GFRAL: variants seen among roughly 807,000 people sequenced by gnomAD.
The protein encoded by GFRAL is GDNF family receptor alpha like.
In GFRAL, 36 loss-of-function variants were observed where a neutral mutation model predicts 45.4. That is an observed-to-expected ratio of 0.79 (90% confidence interval 0.61 to 1.05). The LOEUF (loss-of-function observed/expected upper bound fraction) is 1.05. Ranked by LOEUF, GFRAL falls within the 50% of genes least tolerant of loss-of-function variation. The pLI, the probability that GFRAL is intolerant of heterozygous loss-of-function variation, is 0.00. For missense variants in GFRAL, 507 were observed against 467.5 expected, an observed-to-expected ratio of 1.08 and a Z score of -0.78; for synonymous variants, 166 against 154.1, an observed-to-expected ratio of 1.08 and a Z score of -0.57.
chr6:55,399,115 G>C, intron 6 of GFRAL, 65 bp from the exon 7 acceptor site: 1 of 794,392 alleles, frequency 1.3e-6, no homozygotes, highest in Non-Finnish European at 1.9e-6. Context: ...AAAGCAAATT[G>C]TAATCCATAA....
In GFRAL at chr6:55,350,105, G is replaced by A. The variant is rs1562052554; in HGVS notation, c.330G>A (p.Glu110=). Residue 110 remains glutamate, a synonymous_variant, in exon 4 of 9, where the codon GAG becomes GAA. Transcript: ENST00000340465. ...TTTTCCTTCTAGATAACGTGAAAGAGGATAAATTCAAATGGAATCTAACTA... is the reference window on the plus strand; with the variant it reads ...TTTTCCTTCTAGATAACGTGAAAGAAGATAAATTCAAATGGAATCTAACTA... ...KCINKSDNVK[E]DKFKWNLTTR... 1.3e-6 allele frequency: 2 copies of A among 1,536,020 alleles called. No individual in the cohort carries two copies. Among genetic ancestry groups the A allele is most frequent in the Non-Finnish European group, 1.8e-6 (2 of 1,110,938 alleles).
Position 55,351,305 on chromosome 6 carries a change from T to A in GFRAL, c.423T>A (p.Asp141Glu). 6.2e-7 allele frequency: 1 copy of A among 1,612,436 alleles called. No individual in the cohort carries two copies. Among genetic ancestry groups the A allele is most frequent in the Non-Finnish European group, 8.5e-7 (1 of 1,178,946 alleles). Reference sequence around the variant, plus strand: ...AAGTGGCAGAGGCATGTGTAGGGGATGTGGTCTGTAATGCACAGTTGGCCT... The same window carrying A: ...AAGTGGCAGAGGCATGTGTAGGGGAAGTGGTCTGTAATGCACAGTTGGCCT... The part of the protein sequence containing the change: ...CLEVAEACVG[D>E]VVCNAQLASY... Residue 141 changes from aspartate (D) to glutamate (E), a missense_variant, in exon 5 of 9, where the codon GAT becomes GAA. Transcript: ENST00000340465.
At chr6:55,368,336 C>T (rs1179555818) in intron 6 of GFRAL, among the ~76,000 whole-genome samples, 21 of 148,868 alleles carry the variant, frequency 1.4e-4, no homozygotes, top group African/African-American at 4.9e-4. Flanking sequence ...TCTAGTTATA[C>T]ATTCTTCTAA....
chr6:55,350,450 G>A (rs572988242), intron 4 of GFRAL, among the ~76,000 whole-genome samples: 1 of 152,162 alleles, frequency 6.6e-6, no homozygotes, highest in African/African-American at 2.4e-5. Flanking sequence ...TGAGGTAGGT[G>A]GATCATTTGA....
chr6:55,341,832 G>A (rs900226213), intron 3 of GFRAL, among the ~76,000 whole-genome samples: 1 of 152,178 alleles, frequency 6.6e-6, no homozygotes, highest in African/African-American at 2.4e-5. Flanking sequence ...CCTTAAATGA[G>A]CTGATGGAGC....
rs745962351 is a variant in GFRAL at position 55,327,563 on chromosome 6, G to A, written c.9G>A (p.Val3=). MI[V]FIFLAMGLSL... is the part of the protein sequence containing the mutation. ...GCCGTGAGTTGTCCAGCATGATAGT[G>A]TTTATTTTCTTGGGTAAGTGAATGG... Residue 3 remains valine, a synonymous_variant, in exon 1 of 9, where the codon GTG becomes GTA. Transcript: ENST00000340465. 2.5e-6 allele frequency: 4 copies of A among 1,612,758 alleles called. No individual in the cohort carries two copies. Among genetic ancestry groups the A allele is most frequent in the East Asian group, 4.5e-5 (2 of 44,806 alleles).
intron 6 of GFRAL, among the ~76,000 whole-genome samples, chr6:55,397,497 C>T (rs1581762935): frequency 8.6e-6 from 1 of 116,296 alleles, no homozygotes; most frequent in South Asian, 2.7e-4. Flanking sequence ...CGCAGTCCGG[C>T]CTGGGCGACA....
At chr6:55,369,609 AT>A (rs1437769005) in intron 6 of GFRAL, among the ~76,000 whole-genome samples, 1 of 152,200 alleles carries the variant, frequency 6.6e-6, no homozygotes, top group Non-Finnish European at 1.5e-5. Context: ...TATTGCACGT[AT>A]GTACTGGCAT....
intron 6 of GFRAL, among the ~76,000 whole-genome samples, chr6:55,360,303 T>G (rs1768256154): frequency 1.3e-5 from 2 of 152,002 alleles, no homozygotes; most frequent in Non-Finnish European, 2.9e-5. Context: ...CAGGTACTGT[T>G]TCTAGAAGGA....
chr6:55,343,144 C>T (rs954001413), intron 3 of GFRAL, among the ~76,000 whole-genome samples: 2 of 152,116 alleles, frequency 1.3e-5, no homozygotes, highest in African/African-American at 4.8e-5. Context: ...CAAGGATATC[C>T]AGGAATTGAA....
At chr6:55,328,465 G>A (rs1461716504) in intron 1 of GFRAL, among the ~76,000 whole-genome samples, 1 of 151,836 alleles carries the variant, frequency 6.6e-6, no homozygotes, top group East Asian at 1.9e-4. Context: ...GTCATATCAA[G>A]TCAAGGAAAC....
chr6:55,343,591 G>T (rs993930224), intron 3 of GFRAL, among the ~76,000 whole-genome samples: 7 of 152,120 alleles, frequency 4.6e-5, no homozygotes, highest in Admixed American at 6.6e-5. Flanking sequence ...ATCTAAAATT[G>T]ACACCCTAAC....
At chr6:55,367,298 A>T (rs1768378286) in intron 6 of GFRAL, among the ~76,000 whole-genome samples, 1 of 139,062 alleles carries the variant, frequency 7.2e-6, no homozygotes, top group South Asian at 2.3e-4. Flanking sequence ...TGCTTGGTAG[A>T]TCTTCCTCCA....
chr6:55,378,641 A>ACTTCC (rs1017090104), intron 6 of GFRAL, among the ~76,000 whole-genome samples: 5 of 152,056 alleles, frequency 3.3e-5, no homozygotes, highest in African/African-American at 1.2e-4. Flanking sequence ...TACCATGGGT[A>ACTTCC]CTTCCACAAG....
intron 2 of GFRAL, among the ~76,000 whole-genome samples, chr6:55,333,412 A>C (rs751608347): frequency 2.5e-4 from 38 of 152,168 alleles, no homozygotes; most frequent in Non-Finnish European, 4.9e-4. Flanking sequence ...TGATATGAAA[A>C]TAAAAGATCA....
intron 3 of GFRAL, among the ~76,000 whole-genome samples, chr6:55,338,375 C>T (rs1581899994): frequency 6.6e-6 from 1 of 152,150 alleles, no homozygotes; most frequent in Non-Finnish European, 1.5e-5. Flanking sequence ...CAGGCATGAG[C>T]CACCATGCCG....
At chr6:55,377,007 CT>C (rs1768544005) in intron 6 of GFRAL, among the ~76,000 whole-genome samples, 3 of 151,914 alleles carry the variant, frequency 2.0e-5, no homozygotes, top group African/African-American at 7.2e-5. Flanking sequence ...CAACCAATTT[CT>C]ACCTGAGCTC....
Position 55,367,170 on chromosome 6 carries a change from G to C in GFRAL, c.952+8032G>C, listed in dbSNP as rs866251781. 6.8e-4 allele frequency among the ~76,000 whole-genome samples: 78 copies of C among 115,340 alleles called. 9 individuals carry two copies. The highest frequency in any genetic ancestry group is 6.2e-3 in the South Asian group (21 of 3,396). 75.7% of individuals were successfully genotyped at this position (115,340 alleles called of 152,430 possible). The stretch of plus-strand genomic sequence containing the variant: ...TTTAGGATAGTTAGCTCTTCTTGTT[G>C]AATTGATCCCTTTACCATTATGTAA... On this transcript the variant is annotated intron_variant, in intron 6 of 8. Coordinates refer to ENST00000340465, the MANE Select transcript of GFRAL (RefSeq NM_207410.2).
At chr6:55,347,583 AAAG>A (rs1768059795) in intron 3 of GFRAL, among the ~76,000 whole-genome samples, 1 of 152,176 alleles carries the variant, frequency 6.6e-6, no homozygotes, top group South Asian at 2.1e-4. Context: ...CATAAAATTC[AAAG>A]AAGGAGAAAT....
Sources: allele counts gnomAD v4.1 joint callset (sites outside exome capture counted in the v4.1 genomes callset), GRCh38; gene constraint gnomAD v4.1.1; transcripts MANE v1.5; gene names NCBI Gene and HGNC (gene_info 2026-07-23, HGNC 2026-07-21).